Variants in ETV5 observed in about 807,000 individuals in gnomAD.
ETV5 encodes the protein ETS variant transcription factor 5, also known as ETS translocation variant 5.
In ETV5, 10 loss-of-function variants were observed where a neutral mutation model predicts 70.0. That is an observed-to-expected ratio of 0.14 (90% confidence interval 0.09 to 0.24). The LOEUF is 0.24. ETV5 is among the 10% of genes least tolerant of loss of function. The pLI, the probability that ETV5 is intolerant of heterozygous loss-of-function variation, is 1.00. For missense variants in ETV5, 453 were observed against 651.2 expected, an observed-to-expected ratio of 0.70 and a Z score of 3.31; for synonymous variants, 216 against 242.2, an observed-to-expected ratio of 0.89 and a Z score of 1.01.
chr3:186,099,787 T>A (rs567125939), intron 5 of ETV5, among the ~76,000 whole-genome samples: 2 of 152,344 alleles, frequency 1.3e-5, no homozygotes, highest in Admixed American at 1.3e-4. Flanking sequence ...AATTTCTTCA[T>A]GGATGCCAGG....
At chr3:186,064,073 G>A (rs1012242339) in intron 9 of ETV5, 3 of 235,686 alleles carry the variant, frequency 1.3e-5, no homozygotes, top group Admixed American at 5.1e-5. Context: ...TGGAAATGTG[G>A]AAATAAGGTG....
In ETV5 at chr3:186,048,888, C is replaced by A. The variant is rs199942273; in HGVS notation, c.1312-28G>T. The A allele has an allele frequency of 3.7e-4, 593 of 1,588,514 alleles. 1 individual carries two copies. The highest frequency in any genetic ancestry group is 4.9e-4 in the Admixed American group (29 of 59,052). ...GCGGGAGAACACACACCTTACAGGG[C>A]CCAGTTGGAACAGGGCATGGGATCA... On this transcript the variant is annotated intron_variant, in intron 12 of 12. Transcript: ENST00000306376.
At position 186,052,738 on chromosome 3, in the gene ETV5, T is replaced by C. The variant is rs1167540715; in HGVS notation, c.1210-607A>G. Among the ~76,000 whole-genome samples, 2 of 152,202 alleles carry C rather than the reference T, an allele frequency of 1.3e-5. No individual in the cohort carries two copies. Among genetic ancestry groups the C allele is most frequent in the African/African-American group, 4.8e-5 (2 of 41,440 alleles). ...GCATGTAGCACCATTATCCACTTAA[T>C]GAAAAATTAACAGGGCTTTCCAAAC... On this transcript the variant is annotated intron_variant, in intron 11 of 12. Transcript: ENST00000306376. The surrounding 1 kb of genome is among the most constrained non-coding windows in gnomAD (Gnocchi z 4.5).
At chr3:186,084,295 A>AAAAAAAAAAAAAC in intron 5 of ETV5, 1 of 409,790 alleles carries the variant, frequency 2.4e-6, no homozygotes, top group Non-Finnish European at 4.7e-6. Flanking sequence ...AAAAAAAAAA[A>AAAAAAAAAAAAAC]AAAAAAAAAA....
At chr3:186,084,082 G>A in intron 5 of ETV5, 2 of 280,020 alleles carry the variant, frequency 7.1e-6, no homozygotes, top group South Asian at 6.5e-5. Context: ...ATGCAGCCTT[G>A]AGAAATAAAG....
rs116565119 is a variant in ETV5, at chr3:186,089,340, C to T, written c.233-8165G>A. Among the ~76,000 whole-genome samples, 631 of 152,220 alleles carry T rather than the reference C, an allele frequency of 4.1e-3. 4 individuals carry two copies. The highest frequency in any genetic ancestry group is 0.014 in the African/African-American group (584 of 41,546). ...TTGGTGTAGGTATGGAAGAATGTGCCGTTTTTCTTTAATATCTCACACAGC... is the reference window on the plus strand; with the variant it reads ...TTGGTGTAGGTATGGAAGAATGTGCTGTTTTTCTTTAATATCTCACACAGC... On this transcript the variant is annotated intron_variant, in intron 5 of 12. Transcript: ENST00000306376.
Position 186,048,732 on chromosome 3 carries a change from G to T in ETV5, c.1440C>A (p.Thr480=). 1.2e-6 allele frequency: 2 copies of T among 1,614,124 alleles called. No individual in the cohort carries two copies. Among genetic ancestry groups the T allele is most frequent in the Non-Finnish European group, 1.7e-6 (2 of 1,180,024 alleles). ...TGTCTTCAAAGTGGGTCAGCGGCAG[G>T]GTGTCCTCCTCGCTGAGGTGGCACT... ...ESECHLSEED[T]LPLTHFEDSP... Residue 480 remains threonine, a synonymous_variant, in exon 13 of 13, where the codon ACC becomes ACA. Transcript: ENST00000306376.
chr3:186,106,080 G>A (rs1379808618), intron 1 of ETV5, 138 bp from the exon 2 acceptor site: 17 of 618,192 alleles, frequency 2.7e-5, no homozygotes, highest in Non-Finnish European at 4.8e-5. Flanking sequence ...CAAGGTGCAA[G>A]CTTTACACAC....
chr3:186,072,860 C>A (rs531774893), intron 7 of ETV5, among the ~76,000 whole-genome samples: 1 of 152,200 alleles, frequency 6.6e-6, no homozygotes, highest in Non-Finnish European at 1.5e-5. Context: ...TTTGGCTGGG[C>A]GTGGTGGTGC....
intron 5 of ETV5, among the ~76,000 whole-genome samples, chr3:186,087,467 T>G (rs1714085473): frequency 6.6e-6 from 1 of 152,238 alleles, no homozygotes; most frequent in East Asian, 1.9e-4. Flanking sequence ...GATTTCTGTA[T>G]GTTACTTCAA....
At chr3:186,083,814 C>T (rs1183773913) in intron 5 of ETV5, among the ~76,000 whole-genome samples, 1 of 152,094 alleles carries the variant, frequency 6.6e-6, no homozygotes, top group Non-Finnish European at 1.5e-5. Flanking sequence ...TATACTTTCC[C>T]CGCAGGACAA....
intron 9 of ETV5, among the ~76,000 whole-genome samples, chr3:186,062,213 T>C (rs897106404): frequency 6.6e-6 from 1 of 152,206 alleles, no homozygotes; most frequent in African/African-American, 2.4e-5. Flanking sequence ...AGAGATGACA[T>C]TGGCTGTGAA....
Position 186,046,509 on chromosome 3 carries a change from C to G in ETV5, c.*2130G>C, listed in dbSNP as rs1228904888. 4.3e-6 allele frequency: 1 copy of G among 231,606 alleles called. No individual in the cohort carries two copies. The highest frequency in any genetic ancestry group is 8.5e-6 in the Non-Finnish European group (1 of 117,234). The allele number at this position is 231,606 out of a possible 1,614,324, so 14.3% of individuals were successfully genotyped here. A position where few individuals can be genotyped will look rare whatever the true frequency, so the allele number is the denominator to read the frequency against. ...AACCCCAAAGAACCCCCGAAAAAAACAAAAACCATCCGGGAGGTGCATGAG... is the reference window on the plus strand; with the variant it reads ...AACCCCAAAGAACCCCCGAAAAAAAGAAAAACCATCCGGGAGGTGCATGAG... On this transcript the variant is annotated 3_prime_UTR_variant, in exon 13 of 13. Transcript: ENST00000306376.
At position 186,052,121 on chromosome 3, in the gene ETV5, C is replaced by A; in HGVS notation, c.1220G>T (p.Arg407Leu). The change falls in exon 12 of 13, where the codon CGC becomes CTC. Residue 407 changes from arginine to leucine, a missense_variant. Physicochemically the swap from Arg to Leu is moderately radical, Grantham distance 102. This residue lies in a region of ETV5 where 25 missense variants were observed against 114.3 expected (regional missense o/e 0.22). Transcript: ENST00000306376. This position sits in a 1 kb window ranked among gnomAD's most constrained non-coding sequence, Gnocchi z 4.5. The stretch of plus-strand genomic sequence containing the variant: ...TGGCCGGTTCTTCTGGATGCCCCAG[C>A]GCCGAGCAACCTGAAGAGACAGGAA... Reference protein sequence around the residue: ...KLIEPEEVARRWGIQKNRPAM... With the variant: ...KLIEPEEVARLWGIQKNRPAM... 6.2e-7 allele frequency: 1 copy of A among 1,613,672 alleles called. No homozygotes were observed. The highest frequency in any genetic ancestry group is 8.5e-7 in the Non-Finnish European group (1 of 1,179,768).
At chr3:186,063,982 C>A (rs112638383) in intron 9 of ETV5, among the ~76,000 whole-genome samples, 5 of 152,264 alleles carry the variant, frequency 3.3e-5, no homozygotes, top group African/African-American at 1.2e-4. Context: ...AACTGTAAAA[C>A]ATATAAAAAC....
Position 186,105,872 on chromosome 3 carries a change from G to T in ETV5, c.-4C>A. The stretch of plus-strand genomic sequence containing the variant: ...GCTGATCATAAAACCCGTCCATGGT[G>T]CTTTCAGCGTCTCTAATACCACTTT... On this transcript the variant is annotated 5_prime_UTR_variant, in exon 2 of 13. Coordinates refer to ENST00000306376, the MANE Select transcript of ETV5 (RefSeq NM_004454.3). The surrounding 1 kb of genome is among the most constrained non-coding windows in gnomAD (Gnocchi z 4.5). 1 of 1,613,878 alleles carries T rather than the reference G, an allele frequency of 6.2e-7. No homozygotes were observed. The highest frequency in any genetic ancestry group is 8.5e-7 in the Non-Finnish European group (1 of 1,179,914).
At chr3:186,059,860 T>G (rs1713262543) in intron 9 of ETV5, among the ~76,000 whole-genome samples, 1 of 152,224 alleles carries the variant, frequency 6.6e-6, no homozygotes, top group East Asian at 1.9e-4. Context: ...AGAAGTTTTA[T>G]AGTCTTCATT....
chr3:186,089,381 T>A (rs1714128224), intron 5 of ETV5, among the ~76,000 whole-genome samples: 1 of 152,244 alleles, frequency 6.6e-6, no homozygotes, highest in Non-Finnish European at 1.5e-5. Context: ...TGTGTAAGGA[T>A]AAATTCTCAA....
At chr3:186,100,287 C>A (rs770221908) in intron 5 of ETV5, among the ~76,000 whole-genome samples, 12 of 152,032 alleles carry the variant, frequency 7.9e-5, no homozygotes, top group Admixed American at 1.3e-4. Flanking sequence ...CCTTGTTTTC[C>A]CTCAAACCTC....
Sources: allele counts gnomAD v4.1 joint callset (sites outside exome capture counted in the v4.1 genomes callset), GRCh38; gene constraint gnomAD v4.1.1; regional missense constraint gnomAD v4.1.1; non-coding constraint Gnocchi (gnomAD v3.1); transcripts MANE v1.5; gene names NCBI Gene and HGNC (gene_info 2026-07-23, HGNC 2026-07-21).